DIS3L2: variants seen among roughly 807,000 people sequenced by gnomAD.
DIS3L2 encodes DIS3 like 3'-5' exoribonuclease 2.
Under a neutral mutation model 97.5 loss-of-function variants are expected in DIS3L2, and 34 were observed. The observed-to-expected ratio is 0.35, with a 90% CI of 0.27 to 0.46. The LOEUF (loss-of-function observed/expected upper bound fraction) is 0.46. Ranked by LOEUF, DIS3L2 falls within the 20% of genes least tolerant of loss-of-function variation. DIS3L2 has a pLI of 1.00. For missense variants in DIS3L2, 1,038 were observed against 1,146.0 expected (o/e 0.91, Z 1.36); for synonymous variants, 435 against 445.2 (o/e 0.98, Z 0.29).
chr2:231,984,426 G>C (rs1364059884), intron 1 of DIS3L2, among the ~76,000 whole-genome samples: 1 of 130,234 alleles, frequency 7.7e-6, no homozygotes, highest in African/African-American at 2.9e-5. Context: ...TGGCTCTGTC[G>C]CCCAGGCTGG....
Position 232,030,035 on chromosome 2 carries a change from T to G in DIS3L2, c.321T>G (p.Asn107Lys). Reference protein sequence around the residue: ...DGVVARNRALNGDLVVVKLLP... With the variant: ...DGVVARNRALKGDLVVVKLLP... Reference sequence around the variant, plus strand: ...TTGTTGCTCGTAATAGAGCCTTAAATGGGGATCTGGTGGTCGTGAAACTGC... The same window carrying G: ...TTGTTGCTCGTAATAGAGCCTTAAAGGGGGATCTGGTGGTCGTGAAACTGC... The change falls in exon 5 of 21, where the codon AAT becomes AAG. Residue 107 changes from asparagine (N) to lysine (K), a missense_variant. Coordinates refer to ENST00000325385, the MANE Select transcript of DIS3L2 (RefSeq NM_152383.5). 1 of 1,611,174 alleles carries G rather than the reference T, an allele frequency of 6.2e-7. No individual in the cohort carries two copies. The highest frequency in any genetic ancestry group is 8.5e-7 in the Non-Finnish European group (1 of 1,178,888).
intron 6 of DIS3L2, among the ~76,000 whole-genome samples, chr2:232,120,571 A>G (rs1019176817): frequency 2.0e-5 from 3 of 152,330 alleles, no homozygotes; most frequent in African/African-American, 7.2e-5. Flanking sequence ...CATTGAGCAC[A>G]GTGCCTGGCA....
At chr2:232,055,777 A>G (rs1695530971) in intron 5 of DIS3L2, among the ~76,000 whole-genome samples, 2 of 152,228 alleles carry the variant, frequency 1.3e-5, no homozygotes, top group Non-Finnish European at 2.9e-5. Flanking sequence ...GGAGAGACAC[A>G]TAAGCTAGTG....
chr2:232,128,010 G>T (rs1364701476), intron 6 of DIS3L2, among the ~76,000 whole-genome samples: 2 of 152,128 alleles, frequency 1.3e-5, no homozygotes, highest in Non-Finnish European at 2.9e-5. Flanking sequence ...GAGTGCGGTG[G>T]CACGATCCTG....
At chr2:232,223,104 T>C (rs550232870) in intron 10 of DIS3L2, among the ~76,000 whole-genome samples, 1 of 152,348 alleles carries the variant, frequency 6.6e-6, no homozygotes, top group African/African-American at 2.4e-5. Flanking sequence ...GTTCATCAGC[T>C]TCCAGCTCTA....
chr2:232,050,631 C>T (rs1029345063), intron 5 of DIS3L2, among the ~76,000 whole-genome samples: 1 of 152,150 alleles, frequency 6.6e-6, no homozygotes, highest in Non-Finnish European at 1.5e-5. Context: ...TCTTTACGTT[C>T]TTTTCCAGAT....
intron 6 of DIS3L2, among the ~76,000 whole-genome samples, chr2:232,099,780 A>G (rs955254236): frequency 2.0e-5 from 3 of 152,270 alleles, no homozygotes; most frequent in Middle Eastern, 3.4e-3. Flanking sequence ...CAGATTCTCT[A>G]TCAGTTCTTG....
chr2:232,072,896 C>A (rs1696076824), intron 5 of DIS3L2, among the ~76,000 whole-genome samples: 1 of 151,216 alleles, frequency 6.6e-6, no homozygotes, highest in African/African-American at 2.4e-5. Context: ...AAGGACTGCA[C>A]AGGGATTTTG....
chr2:232,265,821 A>T (rs1364230433), intron 13 of DIS3L2, among the ~76,000 whole-genome samples: 3 of 152,236 alleles, frequency 2.0e-5, no homozygotes, highest in Non-Finnish European at 4.4e-5. Flanking sequence ...AAAGAAATCA[A>T]ATGGTAACGT....
At chr2:232,003,426 C>T (rs1693962428) in intron 1 of DIS3L2, among the ~76,000 whole-genome samples, 1 of 152,066 alleles carries the variant, frequency 6.6e-6, no homozygotes, top group Non-Finnish European at 1.5e-5. Context: ...TTATTCTACC[C>T]CCATACTTGA....
intron 16 of DIS3L2, among the ~76,000 whole-genome samples, chr2:232,331,433 C>A (rs1695733563): frequency 6.6e-6 from 1 of 152,238 alleles, no homozygotes; most frequent in African/African-American, 2.4e-5. Flanking sequence ...ATTTTAGGGG[C>A]TCGGTCACTC....
intron 9 of DIS3L2, among the ~76,000 whole-genome samples, chr2:232,172,280 A>C (rs139051528): frequency 6.6e-6 from 1 of 152,228 alleles, no homozygotes; most frequent in East Asian, 1.9e-4. Flanking sequence ...AATCAATTCC[A>C]TTAGCAGTCA....
intron 6 of DIS3L2, among the ~76,000 whole-genome samples, chr2:232,093,236 A>T (rs1696898238): frequency 6.6e-6 from 1 of 152,170 alleles, no homozygotes; most frequent in Non-Finnish European, 1.5e-5. Context: ...CCTGGAATAA[A>T]TCTCACTTGG....
At chr2:232,124,404 G>A (rs937093203) in intron 6 of DIS3L2, among the ~76,000 whole-genome samples, 2 of 152,194 alleles carry the variant, frequency 1.3e-5, no homozygotes, top group African/African-American at 2.4e-5. Context: ...TTAAAAACTT[G>A]TGGATGAAGA....
At position 232,210,378 on chromosome 2, in the gene DIS3L2, G is replaced by A; in HGVS notation, c.1177G>A (p.Ala393Thr). 1 of 1,613,546 alleles carries A rather than the reference G, an allele frequency of 6.2e-7. No homozygotes were observed. Among genetic ancestry groups the A allele is most frequent in the Non-Finnish European group, 8.5e-7 (1 of 1,179,536 alleles). Residue 393 changes from alanine to threonine, a missense_variant, in exon 10 of 21, where the codon GCC becomes ACC. Transcript: ENST00000325385. ...ATCAACCGCCCGAGACCTCGATGATGCCCTCTCCTGCAAGCCACTCGCTGA... is the reference window on the plus strand; with the variant it reads ...ATCAACCGCCCGAGACCTCGATGATACCCTCTCCTGCAAGCCACTCGCTGA... Reference protein sequence around the residue: ...DPSTARDLDDALSCKPLADGN... With the variant: ...DPSTARDLDDTLSCKPLADGN...
chr2:232,251,344 GA>G lies in DIS3L2; in HGVS notation c.1425+2005del, dbSNP rs1239759261. On this transcript the variant is annotated intron_variant, in intron 12 of 20. Transcript: ENST00000325385. The stretch of plus-strand genomic sequence containing the variant: ...ACTTTAAAAAGGAAACATTTGGAGG[GA>G]AAAAAAGAGCTCTTGGGAATTAAAC... 5.9e-5 allele frequency among the ~76,000 whole-genome samples: 9 copies of G among 151,780 alleles called. No individual in the cohort carries two copies. The East Asian group carries it at 1.5e-3, about 26-fold the overall frequency.
chr2:232,126,842 A>G (rs1270581765), intron 6 of DIS3L2, among the ~76,000 whole-genome samples: 1 of 152,164 alleles, frequency 6.6e-6, no homozygotes, highest in Non-Finnish European at 1.5e-5. Context: ...ACCTGTTAAT[A>G]GCTACAGTAA....
chr2:232,098,441 C>T (rs1030070983), intron 6 of DIS3L2, among the ~76,000 whole-genome samples: 3 of 151,476 alleles, frequency 2.0e-5, no homozygotes, highest in African/African-American at 7.3e-5. Flanking sequence ...TTAACCTCCA[C>T]CTCCTGGGTT....
intron 8 of DIS3L2, 33 bp downstream of exon 8, chr2:232,136,752 C>G: frequency 1.2e-6 from 2 of 1,607,450 alleles, no homozygotes; most frequent in Non-Finnish European, 8.5e-7. Flanking sequence ...AACCACAGGT[C>G]ACAGGCAGAA....
Sources: allele counts gnomAD v4.1 joint callset (sites outside exome capture counted in the v4.1 genomes callset), GRCh38; gene constraint gnomAD v4.1.1; transcripts MANE v1.5; gene names NCBI Gene and HGNC (gene_info 2026-07-23, HGNC 2026-07-21).